The following PLXNA2 variants were observed in gnomAD, a reference collection of about 807,000 sequenced individuals.
PLXNA2 encodes the protein plexin-A2.
In PLXNA2, 91 loss-of-function variants were observed where a neutral mutation model predicts 193.5. The ratio of observed to expected loss-of-function variants is 0.47; its 90% CI spans 0.40 to 0.56. The LOEUF (loss-of-function observed/expected upper bound fraction) is 0.56. PLXNA2 is among the 20% of genes least tolerant of loss of function. The pLI, the probability that PLXNA2 is intolerant of heterozygous loss-of-function variation, is 0.00. For synonymous variants in PLXNA2, 997 were observed against 1,027.3 expected (o/e 0.97, Z 0.56); for missense variants, 1,995 against 2,503.2 (o/e 0.80, Z 4.33).
chr1:208,171,042 A>G (rs1156638869), intron 3 of PLXNA2, among the ~76,000 whole-genome samples: 2 of 152,208 alleles, frequency 1.3e-5, no homozygotes, highest in Non-Finnish European at 2.9e-5. Flanking sequence ...ATTATTCCCA[A>G]TGCAGGCTGT....
At chr1:208,088,797 A>G (rs1666618392) in intron 9 of PLXNA2, among the ~76,000 whole-genome samples, 1 of 152,238 alleles carries the variant, frequency 6.6e-6, no homozygotes, top group African/African-American at 2.4e-5. Flanking sequence ...AAGTGGTAAT[A>G]TGCTGGATTG....
At chr1:208,030,937 T>G in intron 29 of PLXNA2, 2 of 986,274 alleles carry the variant, frequency 2.0e-6, no homozygotes, top group South Asian at 9.4e-5. Flanking sequence ...CTCCCACTGC[T>G]GGTCTGGTTG....
At chr1:208,137,312 T>G (rs1668332669) in intron 4 of PLXNA2, among the ~76,000 whole-genome samples, 1 of 152,228 alleles carries the variant, frequency 6.6e-6, no homozygotes, top group African/African-American at 2.4e-5. Flanking sequence ...AATTAAAGTA[T>G]AAAATAGAAT....
intron 1 of PLXNA2, among the ~76,000 whole-genome samples, chr1:208,235,447 C>A (rs73082044): frequency 0.013 from 2,038 of 152,270 alleles, 52 homozygotes; most frequent in African/African-American, 0.047. Context: ...ACCCTCTTCC[C>A]GGGCCTGGCT....
At chr1:208,097,425 C>T (rs949993889) in intron 6 of PLXNA2, among the ~76,000 whole-genome samples, 1 of 152,208 alleles carries the variant, frequency 6.6e-6, no homozygotes, top group African/African-American at 2.4e-5. Context: ...TTGTGCTTCT[C>T]TGTTCCATGT....
chr1:208,115,279 G>A (rs1274927241), intron 4 of PLXNA2, among the ~76,000 whole-genome samples: 3 of 152,094 alleles, frequency 2.0e-5, no homozygotes, highest in South Asian at 2.1e-4. Flanking sequence ...GAAATACACC[G>A]GGCACATATA....
At chr1:208,184,673 C>T (rs545617285) in intron 3 of PLXNA2, among the ~76,000 whole-genome samples, 6 of 152,276 alleles carry the variant, frequency 3.9e-5, no homozygotes, top group Non-Finnish European at 5.9e-5. Flanking sequence ...CAAAGCCTCC[C>T]GCCCAGCTCA....
rs771611862 is a variant in PLXNA2 at position 208,039,662 on chromosome 1, C to T, written c.4459G>A (p.Glu1487Lys). The change falls in exon 24 of 32, where the codon GAG (glutamate) becomes AAG (lysine). Residue 1487 changes from glutamate (E) to lysine (K), a missense_variant. Transcript: ENST00000367033. The part of the protein sequence containing the change: ...ITGEARYSLS[E>K]DKLIRQQIEY... The stretch of plus-strand genomic sequence containing the variant: ...ATCTGCTGCCGGATGAGCTTGTCCT[C>T]GCTCAGGGAGTAGCGGGCCTCGCCC... 10 of 1,614,094 alleles carry T rather than the reference C, an allele frequency of 6.2e-6. No individual in the cohort carries two copies. Among genetic ancestry groups the T allele is most frequent in the African/African-American group, 4.0e-5 (3 of 74,942 alleles).
chr1:208,101,301 C>T (rs74152193), intron 5 of PLXNA2, among the ~76,000 whole-genome samples: 1,857 of 152,280 alleles, frequency 0.012, 44 homozygotes, highest in African/African-American at 0.041. Context: ...AAGAGGCCAC[C>T]GTGGGGACCC....
intron 3 of PLXNA2, among the ~76,000 whole-genome samples, chr1:208,175,920 C>G (rs1669650439): frequency 6.6e-6 from 1 of 152,174 alleles, no homozygotes; most frequent in Non-Finnish European, 1.5e-5. Flanking sequence ...GGCCGGCTTC[C>G]CATTGTGTGG....
In PLXNA2 at chr1:208,054,510, C is replaced by T. The variant is rs765055718; in HGVS notation, c.2767G>A (p.Val923Met). 21 of 1,614,152 alleles carry T rather than the reference C, an allele frequency of 1.3e-5. No homozygotes were observed. The East Asian group carries it at 2.2e-4, about 17-fold the overall frequency. The change falls in exon 14 of 32, where the codon GTG becomes ATG. Residue 923 changes from valine to methionine, a missense_variant. Around this residue, in one of 3 missense-constraint regions of PLXNA2, gnomAD observed 1,291 missense variants for 1,673.6 expected, o/e 0.77. Transcript: ENST00000367033. ...CGTACTGGCCCGGAGGTGGTTCCCA[C>T]GAGGGCATGGCCCATCTCACAGACA... ...QIVCEMGHAL[V>M]GTTSGPVRLC...
chr1:208,085,301 CCT>C (rs1666481678), intron 9 of PLXNA2, among the ~76,000 whole-genome samples: 1 of 152,170 alleles, frequency 6.6e-6, no homozygotes, highest in African/African-American at 2.4e-5. Context: ...GTGCCAATCT[CCT>C]CTTTCTCCTT....
chr1:208,045,842 C>A, intron 18 of PLXNA2, 36 bp downstream of exon 18: 1 of 1,610,268 alleles, frequency 6.2e-7, no homozygotes, highest in Non-Finnish European at 8.5e-7. Context: ...GGCATTGCTG[C>A]CCCTGGTGGC....
Position 208,217,179 on chromosome 1 carries a change from A to G in PLXNA2, c.744T>C (p.Ala248=). The change falls in exon 2 of 32, where the codon GCT becomes GCC. Residue 248 remains alanine (A), a synonymous_variant. Coordinates refer to ENST00000367033, the MANE Select transcript of PLXNA2 (RefSeq NM_025179.4). This position sits in a 1 kb window ranked among gnomAD's most constrained non-coding sequence, Gnocchi z 4.7. ...TGAGAAAGTAGACAAAGCCCCCACTAGCAAAGCCGTAGATGTAGAAGATGT... is the reference window on the plus strand; with the variant it reads ...TGAGAAAGTAGACAAAGCCCCCACTGGCAAAGCCGTAGATGTAGAAGATGT... The part of the protein sequence containing the change: ...HFDIFYIYGF[A]SGGFVYFLTV... The G allele has an allele frequency of 6.2e-7, 1 of 1,614,150 alleles. No individual in the cohort carries two copies. The highest frequency in any genetic ancestry group is 1.6e-4 in the Middle Eastern group (1 of 6,062).
At chr1:208,098,466 A>T (rs1039496963) in intron 6 of PLXNA2, among the ~76,000 whole-genome samples, 6 of 148,120 alleles carry the variant, frequency 4.1e-5, no homozygotes, top group Non-Finnish European at 9.1e-5. Context: ...TCTCACACAC[A>T]CACACACACA....
chr1:208,229,896 C>A (rs1182901838), intron 1 of PLXNA2, among the ~76,000 whole-genome samples: 2 of 152,228 alleles, frequency 1.3e-5, no homozygotes, highest in Non-Finnish European at 2.9e-5. Flanking sequence ...GGAGGTCAAA[C>A]TCGCAGCGCT....
At chr1:208,227,939 T>C (rs1671564026) in intron 1 of PLXNA2, among the ~76,000 whole-genome samples, 1 of 152,100 alleles carries the variant, frequency 6.6e-6, no homozygotes, top group Admixed American at 6.5e-5. Flanking sequence ...TTAAACATAA[T>C]GTTTTCAAAA....
chr1:208,079,203 T>C (rs1666251418), intron 12 of PLXNA2, 57 bp downstream of exon 12: 1 of 1,448,054 alleles, frequency 6.9e-7, no homozygotes, highest in African/African-American at 1.4e-5. Flanking sequence ...CCTCTCCCAC[T>C]GTCTTGGGGT....
In PLXNA2 at chr1:208,025,903, ATG is replaced by A. The variant is rs1664329846; in HGVS notation, c.*1338_*1339del. On this transcript the variant is annotated 3_prime_UTR_variant, in exon 32 of 32. Transcript: ENST00000367033. ...AGAGGCAGAAGGTAGTAACGTGGGC[ATG>A]CCACAGTCATTTCTACTGAGGAAGT... 1 of 152,654 alleles carries A rather than the reference ATG, an allele frequency of 6.6e-6. No homozygotes were observed. The highest frequency in any genetic ancestry group is 1.5e-5 in the Non-Finnish European group (1 of 68,048). The allele number at this position is 152,654 out of a possible 1,614,324, so 9.5% of individuals were successfully genotyped here.
Sources: allele counts gnomAD v4.1 joint callset (sites outside exome capture counted in the v4.1 genomes callset), GRCh38; gene constraint gnomAD v4.1.1; regional missense constraint gnomAD v4.1.1; non-coding constraint Gnocchi (gnomAD v3.1); transcripts MANE v1.5; gene names NCBI Gene and HGNC (gene_info 2026-07-23, HGNC 2026-07-21).